Variants in TARS2 observed in about 807,000 individuals in gnomAD.
TARS2 encodes the protein threonine--tRNA ligase, mitochondrial.
Under a neutral mutation model 94.4 loss-of-function variants are expected in TARS2, and 61 were observed. The ratio of observed to expected loss-of-function variants is 0.65; its 90% confidence interval spans 0.53 to 0.80. TARS2 has a LOEUF of 0.80. Ranked by LOEUF, TARS2 falls within the 30% of genes least tolerant of loss-of-function variation. TARS2 has a pLI of 0.00. For missense variants in TARS2, 704 were observed against 902.5 expected (o/e 0.78, Z 2.82); for synonymous variants, 359 against 353.4 (o/e 1.02, Z -0.18).
Position 150,497,510 on chromosome 1 carries a change from G to A in TARS2, c.1021-20G>A, listed in dbSNP as rs1351829195. The A allele has an allele frequency of 1.9e-6, 3 of 1,612,330 alleles. No homozygotes were observed. Among genetic ancestry groups the A allele is most frequent in the South Asian group, 2.2e-5 (2 of 91,010 alleles). ...CCTTCCAGTTACTCTGACCTTCCAT[G>A]TCTGTACCCTCCTCTCCAGGCTGAG... On this transcript the variant is annotated intron_variant, in intron 9 of 17. Coordinates refer to ENST00000369064, the MANE Select transcript of TARS2 (RefSeq NM_025150.5).
At chr1:150,498,478 G>A in intron 10 of TARS2, 24 bp from the exon 11 acceptor site, 1 of 1,547,848 alleles carries the variant, frequency 6.5e-7, no homozygotes, top group Non-Finnish European at 8.7e-7. Context: ...CTATGGCCCT[G>A]ACCCCTCTGC....
At position 150,505,750 on chromosome 1, in the gene TARS2, A is replaced by G. The variant is rs755690680; in HGVS notation, c.2008+45A>G. 9 of 1,563,886 alleles carry G rather than the reference A, an allele frequency of 5.8e-6. No homozygotes were observed. The South Asian group carries it at 9.0e-5, about 16-fold the overall frequency. ...CAATGTTCTCCCACCTGCCGTCTGCATTCTTGCTGTTAAGTTTACCAAGTC... is the reference window on the plus strand; with the variant it reads ...CAATGTTCTCCCACCTGCCGTCTGCGTTCTTGCTGTTAAGTTTACCAAGTC... On this transcript the variant is annotated intron_variant, in intron 17 of 17. Transcript: ENST00000369064.
intron 14 of TARS2, 92 bp from the exon 15 acceptor site, chr1:150,504,540 C>G: frequency 6.4e-7 from 1 of 1,567,894 alleles, no homozygotes. Context: ...CCTGCCAGAG[C>G]TGAATATTTC....
intron 8 of TARS2, 90 bp from the exon 9 acceptor site, chr1:150,496,720 C>G (rs1430724386): frequency 6.2e-7 from 1 of 1,600,060 alleles, no homozygotes; most frequent in Admixed American, 1.7e-5. Context: ...GATTCAGTCA[C>G]ACAGACTGAG....
chr1:150,489,232 G>T, intron 3 of TARS2, 145 bp downstream of exon 3: 1 of 1,256,402 alleles, frequency 8.0e-7, no homozygotes, highest in Non-Finnish European at 1.1e-6. Context: ...GACTATTTCT[G>T]GTTAGGAAAC....
chr1:150,492,241 G>T, intron 6 of TARS2, 170 bp from the exon 7 acceptor site: 3 of 604,560 alleles, frequency 5.0e-6, no homozygotes, highest in Middle Eastern at 4.5e-4. Flanking sequence ...TGGGATTATA[G>T]ACATGAGCCA....
chr1:150,499,725 T>G (rs969752268), intron 13 of TARS2, among the ~76,000 whole-genome samples: 36 of 152,134 alleles, frequency 2.4e-4, no homozygotes, highest in African/African-American at 8.2e-4. Context: ...CTTTCTGCCC[T>G]CTTGGCATCT....
At chr1:150,506,885 CCT>C in intron 17 of TARS2, 29 bp from the exon 18 acceptor site, 1 of 1,612,874 alleles carries the variant, frequency 6.2e-7, no homozygotes, top group African/African-American at 1.3e-5. Context: ...GTGAATTTGC[CCT>C]GAGGTTCCCA....
intron 13 of TARS2, among the ~76,000 whole-genome samples, chr1:150,502,442 G>A (rs1280569584): frequency 6.7e-6 from 1 of 149,550 alleles, no homozygotes; most frequent in Non-Finnish European, 1.5e-5. Context: ...CTGGAGTGGA[G>A]TGGCACAATC....
chr1:150,504,433 G>C lies in TARS2; in HGVS notation c.1716G>C (p.Lys572Asn), dbSNP rs587671260. 2 of 1,614,026 alleles carry C rather than the reference G, an allele frequency of 1.2e-6. No homozygotes were observed. Among genetic ancestry groups the C allele is most frequent in the Admixed American group, 3.3e-5 (2 of 59,994 alleles). Residue 572 changes from lysine (K) to asparagine (N), a missense_variant and splice_region_variant, in exon 14 of 18, where the codon AAG becomes AAC. Lys to Asn is a moderately conservative substitution (Grantham distance 94). Coordinates refer to ENST00000369064, the MANE Select transcript of TARS2 (RefSeq NM_025150.5). ...CCCTGAGATTTGACCTCCAGTATAA[G>C]GGGTATAAAACCTTGCCCTATCCTC... The part of the protein sequence containing the change: ...QLPLRFDLQY[K>N]GQAGALERPV...
chr1:150,500,073 G>A (rs1669844807), intron 13 of TARS2, among the ~76,000 whole-genome samples: 1 of 151,978 alleles, frequency 6.6e-6, no homozygotes, highest in African/African-American at 2.4e-5. Context: ...TACCCAGCAG[G>A]CTGAGATGGG....
At chr1:150,489,142 G>A (rs587638391) in intron 3 of TARS2, 55 bp downstream of exon 3, 2 of 1,612,040 alleles carry the variant, frequency 1.2e-6, no homozygotes, top group South Asian at 1.1e-5. Flanking sequence ...AGATATTGAA[G>A]CAGGAAATTC....
chr1:150,505,548 C>A, intron 16 of TARS2, 43 bp from the exon 17 acceptor site: 1 of 1,557,500 alleles, frequency 6.4e-7, no homozygotes, highest in Non-Finnish European at 8.9e-7. Flanking sequence ...AGCTCCTTAA[C>A]TTTCCAGTAA....
chr1:150,496,724 G>GT (rs1669678347), intron 8 of TARS2, 86 bp from the exon 9 acceptor site: 1 of 1,604,674 alleles, frequency 6.2e-7, no homozygotes, highest in Non-Finnish European at 8.5e-7. Context: ...CAGTCACACA[G>GT]ACTGAGCAGC....
chr1:150,499,147 G>A (rs1570856376), intron 12 of TARS2, 69 bp from the exon 13 acceptor site: 5 of 1,608,122 alleles, frequency 3.1e-6, no homozygotes, highest in Admixed American at 3.3e-5. Flanking sequence ...CATTTGTTGG[G>A]GACTGACCGG....
chr1:150,494,221 G>A (rs1669538365), intron 7 of TARS2, among the ~76,000 whole-genome samples: 1 of 150,894 alleles, frequency 6.6e-6, no homozygotes, highest in Admixed American at 6.6e-5. Context: ...ACACAAATTA[G>A]CTGGGTGTGC....
intron 3 of TARS2, 52 bp downstream of exon 3, chr1:150,489,139 G>A: frequency 6.2e-7 from 1 of 1,612,514 alleles, no homozygotes; most frequent in Non-Finnish European, 8.5e-7. Context: ...AAGAGATATT[G>A]AAGCAGGAAA....
At chr1:150,490,255 A>C (rs587727370) in intron 3 of TARS2, among the ~76,000 whole-genome samples, 1 of 150,158 alleles carries the variant, frequency 6.7e-6, no homozygotes, top group South Asian at 2.1e-4. Flanking sequence ...AGTAGCTGGG[A>C]TTACAGACAC....
chr1:150,496,375 A>C, intron 7 of TARS2, 107 bp from the exon 8 acceptor site: 1 of 1,363,198 alleles, frequency 7.3e-7, no homozygotes, highest in African/African-American at 1.5e-5. Context: ...GATTGTTGTC[A>C]AGAGGCATAC....
Sources: gnomAD v4.1 joint callset for allele counts (sites outside exome capture counted in the v4.1 genomes callset) on GRCh38, gnomAD v4.1.1 for gene constraint, MANE v1.5 for transcripts, NCBI Gene and HGNC (gene_info 2026-07-23, HGNC 2026-07-21) for gene names.